Variants in FHDC1 observed in about 807,000 individuals in gnomAD.
The protein encoded by FHDC1 is FH2 domain-containing protein 1.
In FHDC1, 25 loss-of-function variants were observed where a neutral mutation model predicts 52.6. The ratio of observed to expected loss-of-function variants is 0.48; its 90% CI spans 0.35 to 0.66. FHDC1 has a LOEUF of 0.66. Among genes scored for constraint, FHDC1 ranks in the 30% least tolerant of loss-of-function variants. The pLI, the probability that FHDC1 is intolerant of heterozygous loss-of-function variation, is 0.01. For synonymous variants in FHDC1, 616 were observed against 581.5 expected (o/e 1.06, Z -0.85); for missense variants, 1,459 against 1,452.8 (o/e 1.00, Z -0.07).
intron 1 of FHDC1, among the ~76,000 whole-genome samples, chr4:152,937,737 G>C (rs1269820179): frequency 2.0e-5 from 3 of 151,938 alleles, no homozygotes; most frequent in Non-Finnish European, 4.4e-5. Flanking sequence ...CCCTCGCGCC[G>C]CGACGCCCTT....
the FHDC1 span, among the ~76,000 whole-genome samples, chr4:152,920,038 C>T: frequency 6.5e-4 from 93 of 143,140 alleles, no homozygotes; most frequent in African/African-American, 2.3e-3. Context: ...GCCTCTGCCT[C>T]CTGTGTTCAA....
Position 152,943,226 on chromosome 4 carries a change from T to TCCCCCCCCCCCCCCCCCCCCCCC in FHDC1, c.173_174insCCCCCCCCCCCCCCCCCCCCCCC (p.Pro67LeufsTer27). On this transcript the variant is annotated frameshift_variant, in exon 2 of 12. Transcript: ENST00000511601. LOFTEE classifies it high-confidence loss of function. The stretch of plus-strand genomic sequence containing the variant: ...ATGTTCAAGGGAAGAGTGTCCTTCC[T>TCCCCCCCCCCCCCCCCCCCCCCC]CCCCTCCTCCACCCCCACCACCTCC... 6.2e-7 allele frequency: 1 copy of TCCCCCCCCCCCCCCCCCCCCCCC among 1,603,518 alleles called. No individual in the cohort carries two copies.
At position 152,975,242 on chromosome 4, in the gene FHDC1, G is replaced by A. The variant is rs1421969939; in HGVS notation, c.1951G>A (p.Glu651Lys). Reference sequence around the variant, plus strand: ...CAGTGTCCTCCGAAAGAGGTACAGTGAGCCGGTGAGCCTGGGCTCAGCACA... The same window carrying A: ...CAGTGTCCTCCGAAAGAGGTACAGTAAGCCGGTGAGCCTGGGCTCAGCACA... ...GVSVLRKRYS[E>K]PVSLGSAQSP... The change falls in exon 12 of 12, where the codon GAG (glutamate) becomes AAG (lysine). Residue 651 changes from glutamate to lysine, a missense_variant. By Grantham distance (56) the Glu-to-Lys change is moderately conservative. Transcript: ENST00000511601. 14 of 1,613,262 alleles carry A rather than the reference G, an allele frequency of 8.7e-6. No homozygotes were observed. The highest frequency in any genetic ancestry group is 1.2e-5 in the Non-Finnish European group (14 of 1,180,036).
At chr4:152,924,148 A>C in the FHDC1 span, among the ~76,000 whole-genome samples, 1 of 152,180 alleles carries the variant, frequency 6.6e-6, no homozygotes, top group Non-Finnish European at 1.5e-5. Flanking sequence ...AATGAACTCA[A>C]ACAAATTTAC....
chr4:152,974,371 G>C (rs1740768685), intron 11 of FHDC1, among the ~76,000 whole-genome samples: 2 of 140,718 alleles, frequency 1.4e-5, no homozygotes, highest in African/African-American at 4.9e-5. Context: ...TGGAAAGCTG[G>C]AAGTTGGGCC....
intron 1 of FHDC1, among the ~76,000 whole-genome samples, chr4:152,942,715 T>G (rs1739608537): frequency 6.6e-6 from 1 of 152,208 alleles, no homozygotes; most frequent in Non-Finnish European, 1.5e-5. Context: ...CCAATTGGAT[T>G]TGTTGCAATT....
chr4:152,969,923 A>G (rs1295031667), intron 10 of FHDC1, among the ~76,000 whole-genome samples: 1 of 152,144 alleles, frequency 6.6e-6, no homozygotes, highest in Non-Finnish European at 1.5e-5. Flanking sequence ...CCCACCTCCC[A>G]AAGTGCTGGG....
At chr4:152,969,975 C>T (rs1420273153) in intron 10 of FHDC1, among the ~76,000 whole-genome samples, 1 of 152,158 alleles carries the variant, frequency 6.6e-6, no homozygotes, top group East Asian at 1.9e-4. Context: ...TCATTTTTAT[C>T]TCTATAAGTA....
the FHDC1 span, chr4:152,927,626 C>T: frequency 3.1e-6 from 5 of 1,605,048 alleles, no homozygotes; most frequent in Non-Finnish European, 3.4e-6. Flanking sequence ...GCTACAGGAA[C>T]AGAAGGACAG....
At position 152,963,117 on chromosome 4, in the gene FHDC1, A is replaced by C; in HGVS notation, c.1016A>C (p.His339Pro). The C allele has an allele frequency of 6.2e-7, 1 of 1,613,936 alleles. No homozygotes were observed. The highest frequency in any genetic ancestry group is 8.5e-7 in the Non-Finnish European group (1 of 1,179,942). ...KANKPGMNLL[H>P]FVAQEAQKKD... The stretch of plus-strand genomic sequence containing the variant: ...AACAAACCTGGGATGAATCTCCTGC[A>C]CTTTGTTGCACAGGTATGTGGAAAT... Residue 339 changes from histidine (H) to proline (P), a missense_variant, in exon 8 of 12, where the codon CAC becomes CCC. Around this residue, in one of 3 missense-constraint regions of FHDC1, gnomAD observed 513 missense variants for 581.5 expected, o/e 0.88. Transcript: ENST00000511601.
At chr4:152,913,785 G>A in the FHDC1 span, among the ~76,000 whole-genome samples, 1 of 152,206 alleles carries the variant, frequency 6.6e-6, no homozygotes, top group South Asian at 2.1e-4. Context: ...TTCAAGCGAT[G>A]CTTCTGCCTC....
At chr4:152,949,106 T>TAAGAAGAAG (rs1341582128) in intron 2 of FHDC1, among the ~76,000 whole-genome samples, 3 of 69,688 alleles carry the variant, frequency 4.3e-5, no homozygotes, top group South Asian at 6.7e-4. Context: ...ATAATAATAA[T>TAAGAAGAAG]AATAATAATA....
the FHDC1 span, among the ~76,000 whole-genome samples, chr4:152,921,775 C>T: frequency 6.6e-6 from 1 of 152,022 alleles, no homozygotes; most frequent in African/African-American, 2.4e-5. Flanking sequence ...CAAATTTTGA[C>T]ATCTAGCAGA....
chr4:152,971,150 G>T (rs60377844), intron 10 of FHDC1, among the ~76,000 whole-genome samples: 9,271 of 152,180 alleles, frequency 0.061, 807 homozygotes, highest in African/African-American at 0.19. Flanking sequence ...TGGGAGGATG[G>T]CGTGAGGCCT....
chr4:152,955,331 A>C (rs1740051033), intron 4 of FHDC1, among the ~76,000 whole-genome samples: 1 of 152,142 alleles, frequency 6.6e-6, no homozygotes, highest in Non-Finnish European at 1.5e-5. Flanking sequence ...ACCCAGAAAA[A>C]CAGTTGTATA....
intron 8 of FHDC1, 112 bp from the exon 9 acceptor site, chr4:152,964,793 G>T (rs971764619): frequency 2.5e-6 from 2 of 805,704 alleles, no homozygotes; most frequent in Admixed American, 4.8e-5. Context: ...TGCTTTGAAT[G>T]TGTCAAGTTT....
At chr4:152,915,968 A>G in the FHDC1 span, among the ~76,000 whole-genome samples, 1 of 152,170 alleles carries the variant, frequency 6.6e-6, no homozygotes, top group Non-Finnish European at 1.5e-5. Context: ...TTCTGCTGGA[A>G]TTGTTCAATC....
At chr4:152,963,984 G>T (rs932158102) in intron 8 of FHDC1, among the ~76,000 whole-genome samples, 3 of 151,944 alleles carry the variant, frequency 2.0e-5, no homozygotes, top group African/African-American at 7.3e-5. Flanking sequence ...AAGCCGTGGT[G>T]CAGTCTTGTT....
intron 9 of FHDC1, among the ~76,000 whole-genome samples, chr4:152,965,732 A>G (rs988754333): frequency 7.9e-5 from 12 of 152,234 alleles, no homozygotes; most frequent in African/African-American, 2.9e-4. Context: ...AGCTGCTGAC[A>G]TACATTACTG....
Sources: allele counts gnomAD v4.1 joint callset (sites outside exome capture counted in the v4.1 genomes callset), GRCh38; gene constraint gnomAD v4.1.1; regional missense constraint gnomAD v4.1.1; transcripts MANE v1.5; gene names NCBI Gene and HGNC (gene_info 2026-07-23, HGNC 2026-07-21).